FHIT: variants seen among roughly 807,000 people sequenced by gnomAD.
FHIT encodes fragile histidine triad diadenosine triphosphatase.
FHIT carries 19 observed loss-of-function variants against 17.9 expected under a neutral mutation model. That is an observed-to-expected ratio of 1.06 (90% CI 0.74 to 1.56). FHIT has a LOEUF of 1.56. FHIT is among the 40% of genes most tolerant of loss of function. FHIT has a pLI of 0.00. For synonymous variants in FHIT, 81 were observed against 69.7 expected (o/e 1.16, Z -0.81); for missense variants, 248 against 189.2 (o/e 1.31, Z -1.82).
chr3:60,377,479 T>G (rs1173431080), intron 5 of FHIT, among the ~76,000 whole-genome samples: 2 of 123,468 alleles, frequency 1.6e-5, no homozygotes, highest in African/African-American at 3.0e-5. Context: ...TTTTTTTTTT[T>G]TTTTTTTTTT....
chr3:61,112,466 T>TC (rs34283247), intron 2 of FHIT, among the ~76,000 whole-genome samples: 2 of 152,114 alleles, frequency 1.3e-5, no homozygotes, highest in Non-Finnish European at 2.9e-5. Flanking sequence ...ACAATATATT[T>TC]CCCCTGACAA....
chr3:59,837,893 G>A lies in FHIT; in HGVS notation c.348+84453C>T, dbSNP rs1481574599. Among the ~76,000 whole-genome samples, 4 of 152,090 alleles carry A rather than the reference G, an allele frequency of 2.6e-5. No individual in the cohort carries two copies. The East Asian group carries it at 7.7e-4, about 29-fold the overall frequency. ...ATAATAGTAATATCTGCCCCAGAAG[G>A]TTGTGGACAGATGAAGTCAGACAGC... On this transcript the variant is annotated intron_variant, in intron 8 of 9. Transcript: ENST00000492590.
intron 4 of FHIT, among the ~76,000 whole-genome samples, chr3:60,687,614 T>C (rs1553698746): frequency 6.6e-6 from 1 of 152,096 alleles, no homozygotes; most frequent in Non-Finnish European, 1.5e-5. Flanking sequence ...AAATGCTTCA[T>C]GGCTCCTTAA....
At chr3:59,773,804 G>C (rs538150900) in intron 8 of FHIT, among the ~76,000 whole-genome samples, 1 of 152,000 alleles carries the variant, frequency 6.6e-6, no homozygotes, top group Admixed American at 6.6e-5. Flanking sequence ...AAGCTGCCTC[G>C]CCCAGGACCT....
chr3:60,478,126 C>G (rs2033437430), intron 5 of FHIT, among the ~76,000 whole-genome samples: 1 of 152,138 alleles, frequency 6.6e-6, no homozygotes, highest in Non-Finnish European at 1.5e-5. Flanking sequence ...ATGCCAGGCA[C>G]TGGATAAGCG....
chr3:60,667,529 C>A, intron 4 of FHIT, among the ~76,000 whole-genome samples: 1 of 152,004 alleles, frequency 6.6e-6, no homozygotes, highest in Non-Finnish European at 1.5e-5. Flanking sequence ...CAAAAATTTG[C>A]AGCTGCTTTA....
intron 5 of FHIT, among the ~76,000 whole-genome samples, chr3:60,283,436 C>T (rs185816005): frequency 3.9e-4 from 59 of 151,966 alleles, no homozygotes; most frequent in African/African-American, 1.4e-3. Flanking sequence ...AACATTTATC[C>T]TTCTAAAATA....
At chr3:60,490,538 G>C (rs576727161) in intron 5 of FHIT, among the ~76,000 whole-genome samples, 186 of 150,026 alleles carry the variant, frequency 1.2e-3, no homozygotes, top group African/African-American at 4.6e-3. Context: ...CTCCAGCCCA[G>C]GTGTCTCTTT....
intron 8 of FHIT, among the ~76,000 whole-genome samples, chr3:59,771,509 C>T (rs905250777): frequency 1.3e-5 from 2 of 152,100 alleles, no homozygotes; most frequent in African/African-American, 2.4e-5. Flanking sequence ...GAGGGTGAAA[C>T]CCCCCATAGA....
chr3:60,883,629 A>G (rs932508351), intron 3 of FHIT, among the ~76,000 whole-genome samples: 4 of 152,146 alleles, frequency 2.6e-5, no homozygotes, highest in Non-Finnish European at 5.9e-5. Context: ...CAGTCTATTC[A>G]TAAATGATGC....
chr3:60,123,008 G>A (rs74572528), intron 5 of FHIT, among the ~76,000 whole-genome samples: 21,703 of 152,104 alleles, frequency 0.14, 1,690 homozygotes, highest in South Asian at 0.21. Flanking sequence ...GTATAATTGT[G>A]CAGTTTCATT....
chr3:60,363,308 A>G lies in FHIT; in HGVS notation c.103+173552T>C, dbSNP rs1052965607. 2.0e-5 allele frequency among the ~76,000 whole-genome samples: 3 copies of G among 152,234 alleles called. No individual in the cohort carries two copies. The Middle Eastern group carries it at 0.01, about 518-fold the overall frequency. ...GCCTATGAAGTTTTAAGGAAAAATT[A>G]CCTATAATTTTGCTTGATCTTTGTG... On this transcript the variant is annotated intron_variant, in intron 5 of 9. Transcript: ENST00000492590.
At chr3:60,488,949 C>G (rs948496117) in intron 5 of FHIT, among the ~76,000 whole-genome samples, 8 of 152,108 alleles carry the variant, frequency 5.3e-5, no homozygotes, top group Non-Finnish European at 1.0e-4. Flanking sequence ...TTTGGAATCC[C>G]TTTTCAGTTT....
rs149180354 is a variant in FHIT, at chr3:60,270,085, T to A, written c.104-255933A>T. Among the ~76,000 whole-genome samples the A allele has an allele frequency of 2.6e-5, 4 of 152,246 alleles. No homozygotes were observed. In the East Asian group the frequency reaches 7.7e-4, roughly 29 times the overall value. ...CAATCAGATTCTCAGTCCAGAGAAT[T>A]TGGAATTAGAATTCATGGGATGAGG... On this transcript the variant is annotated intron_variant, in intron 5 of 9. Transcript: ENST00000492590.
chr3:60,435,054 G>C (rs2030087174), intron 5 of FHIT, among the ~76,000 whole-genome samples: 1 of 152,060 alleles, frequency 6.6e-6, no homozygotes, highest in Admixed American at 6.6e-5. Context: ...ATCCTTATCA[G>C]ACCACCCCTT....
At chr3:60,752,952 C>T (rs78091203) in intron 4 of FHIT, among the ~76,000 whole-genome samples, 23,474 of 152,220 alleles carry the variant, frequency 0.15, 2,034 homozygotes, top group Non-Finnish European at 0.2. Context: ...CTCCCAATTA[C>T]ATTACTTTCG....
At chr3:59,854,858 A>G (rs1005517803) in intron 8 of FHIT, among the ~76,000 whole-genome samples, 12 of 152,226 alleles carry the variant, frequency 7.9e-5, no homozygotes, top group African/African-American at 2.9e-4. Flanking sequence ...GGAGGCTAAG[A>G]AGCTCATGCA....
chr3:61,184,238 G>A lies in FHIT; in HGVS notation c.-164+16379C>T, dbSNP rs189577848. ...CCCCTTTGGGCAGGCATCTACTCAT[G>A]TTTACAGTTATTCATTATGACTGGC... is the stretch of plus-strand genomic sequence containing the variant. On this transcript the variant is annotated intron_variant, in intron 2 of 9. Coordinates refer to ENST00000492590, the MANE Select transcript of FHIT (RefSeq NM_002012.4). Among the ~76,000 whole-genome samples, 47 of 152,244 alleles carry A rather than the reference G, an allele frequency of 3.1e-4. No individual in the cohort carries two copies. The South Asian group carries it at 9.1e-3, about 30-fold the overall frequency.
intron 1 of FHIT, among the ~76,000 whole-genome samples, chr3:61,239,639 T>A (rs2040318426): frequency 6.6e-6 from 1 of 151,776 alleles, no homozygotes; most frequent in Admixed American, 6.6e-5. Flanking sequence ...TTCACTAGAC[T>A]CCATGAGGGC....
Sources: gnomAD v4.1 joint callset for allele counts (sites outside exome capture counted in the v4.1 genomes callset) on GRCh38, gnomAD v4.1.1 for gene constraint, MANE v1.5 for transcripts, NCBI Gene and HGNC (gene_info 2026-07-23, HGNC 2026-07-21) for gene names.